The following CLIP1 variants were observed in gnomAD, a reference collection of about 807,000 sequenced individuals.
The protein encoded by CLIP1 is CAP-Gly domain containing linker protein 1.
Under a neutral mutation model 161.6 loss-of-function variants are expected in CLIP1, and 66 were observed. The ratio of observed to expected loss-of-function variants is 0.41; its 90% CI spans 0.33 to 0.50. The LOEUF (loss-of-function observed/expected upper bound fraction) is 0.50, where lower values mean the gene tolerates loss of function less well. Among genes scored for constraint, CLIP1 ranks in the 20% least tolerant of loss-of-function variants. The pLI is 0.27. For synonymous variants in CLIP1, 598 were observed against 626.2 expected, an observed-to-expected ratio of 0.96 and a Z score of 0.67; for missense variants, 1,376 against 1,702.0, an observed-to-expected ratio of 0.81 and a Z score of 3.37.
rs758597643 is a variant in CLIP1, at chr12:122,341,284, T to C, written c.1920A>G (p.Glu640=). ...GCCCTTTGCTGAAAGATACCTTCAG[T>C]TCTTCCATCGCCTGCTGGTGGGATG... The part of the protein sequence containing the change: ...AIASHQQAME[E]LKVSFSKGLG... Residue 640 remains glutamate, a synonymous_variant, in exon 11 of 26, where the codon GAA becomes GAG. Transcript: ENST00000620786. The C allele has an allele frequency of 8.7e-6, 14 of 1,614,070 alleles. No individual in the cohort carries two copies. The highest frequency in any genetic ancestry group is 8.5e-6 in the Non-Finnish European group (10 of 1,179,930).
At chr12:122,359,944 G>A (rs978054718) in intron 5 of CLIP1, among the ~76,000 whole-genome samples, 4 of 152,180 alleles carry the variant, frequency 2.6e-5, no homozygotes, top group Admixed American at 6.5e-5. Flanking sequence ...ATAAACTTAT[G>A]GGCAGGGCTT....
intron 7 of CLIP1, among the ~76,000 whole-genome samples, chr12:122,353,564 T>C (rs150269275): frequency 0.022 from 3,354 of 152,246 alleles, 121 homozygotes; most frequent in African/African-American, 0.077. Flanking sequence ...CAGTGAGCCA[T>C]GATCACACCA....
chr12:122,280,876 G>A (rs979641097), intron 21 of CLIP1: 9 of 152,246 alleles, frequency 5.9e-5, no homozygotes, highest in African/African-American at 2.2e-4. Flanking sequence ...CCAGTGAGTG[G>A]TCATAACCTT....
intron 8 of CLIP1, among the ~76,000 whole-genome samples, chr12:122,352,346 C>T (rs1953080756): frequency 6.6e-6 from 1 of 152,060 alleles, no homozygotes; most frequent in African/African-American, 2.4e-5. Flanking sequence ...CGTGAACCAC[C>T]GCACCCGGCC....
chr12:122,318,261 G>A (rs554054421), intron 18 of CLIP1, among the ~76,000 whole-genome samples: 7 of 152,176 alleles, frequency 4.6e-5, no homozygotes, highest in Non-Finnish European at 7.3e-5. Context: ...TGGGCTGGGC[G>A]TGGTGGCTCA....
chr12:122,409,215 A>C (rs1004613748), intron 1 of CLIP1, among the ~76,000 whole-genome samples: 27 of 150,400 alleles, frequency 1.8e-4, no homozygotes, highest in Non-Finnish European at 3.1e-4. Context: ...AACCACTGCC[A>C]CCCAGGTTCA....
At chr12:122,276,620 G>A in intron 24 of CLIP1, 2 of 446,070 alleles carry the variant, frequency 4.5e-6, no homozygotes, top group South Asian at 2.6e-5. Flanking sequence ...GGAGGTGTCT[G>A]GCAACTAACA....
chr12:122,368,034 A>G (rs1480779490), intron 3 of CLIP1, among the ~76,000 whole-genome samples: 1 of 152,172 alleles, frequency 6.6e-6, no homozygotes, highest in Non-Finnish European at 1.5e-5. Context: ...AACAAGCCCA[A>G]TTCGTTCTCT....
At chr12:122,335,980 G>T (rs1452902188) in intron 12 of CLIP1, among the ~76,000 whole-genome samples, 1 of 152,090 alleles carries the variant, frequency 6.6e-6, no homozygotes, top group African/African-American at 2.4e-5. Context: ...GCATGTGGGT[G>T]GGTACCACTG....
At chr12:122,296,561 T>G (rs1272295329) in intron 20 of CLIP1, among the ~76,000 whole-genome samples, 1 of 152,192 alleles carries the variant, frequency 6.6e-6, no homozygotes, top group Non-Finnish European at 1.5e-5. Flanking sequence ...TACACATATT[T>G]GTATTGTTTC....
intron 3 of CLIP1, chr12:122,365,703 C>T (rs1954118179): frequency 4.6e-6 from 3 of 655,130 alleles, no homozygotes; most frequent in Non-Finnish European, 5.3e-6. Flanking sequence ...GAAAGAACTG[C>T]TCCTGCTTCA....
In CLIP1 at chr12:122,361,165, G is replaced by A; in HGVS notation, c.799C>T (p.Pro267Ser). The A allele has an allele frequency of 6.2e-7, 1 of 1,613,354 alleles. No homozygotes were observed. The highest frequency in any genetic ancestry group is 2.2e-5 in the East Asian group (1 of 44,862). The change falls in exon 5 of 26, where the codon CCC (proline) becomes TCC (serine). Residue 267 changes from proline to serine, a missense_variant. Pro to Ser is a moderately conservative substitution (Grantham distance 74). Coordinates refer to ENST00000620786, the MANE Select transcript of CLIP1 (RefSeq NM_001247997.2). ...ACAGGAGCGAACAAGCCATATTTGG[G>A]TTGACACTGAAAATACCTTTAGAGA... ...VAGTRYFQCQ[P>S]KYGLFAPVHK...
At position 122,341,186 on chromosome 12, in the gene CLIP1, T is replaced by C; in HGVS notation, c.2018A>G (p.Glu673Gly). 6.2e-7 allele frequency: 1 copy of C among 1,614,200 alleles called. No individual in the cohort carries two copies. The highest frequency in any genetic ancestry group is 8.5e-7 in the Non-Finnish European group (1 of 1,180,032). ...IEKMRLDYQH[E>G]IENLQNQQDS... ...TTGTTGATTCTGCAAATTTTCTATT[T>C]CGTGTTGGTAATCTAGTCTCATTTT... Residue 673 changes from glutamate (E) to glycine (G), a missense_variant, in exon 11 of 26, where the codon GAA becomes GGA. Transcript: ENST00000620786.
Position 122,361,083 on chromosome 12 carries a change from T to C in CLIP1, c.881A>G (p.Asn294Ser), listed in dbSNP as rs372226494. 3.3e-5 allele frequency: 53 copies of C among 1,614,158 alleles called. No homozygotes were observed. The highest frequency in any genetic ancestry group is 1.9e-4 in the African/African-American group (14 of 74,954). Residue 294 changes from asparagine (N) to serine (S), a missense_variant, in exon 5 of 26, where the codon AAC becomes AGC. This residue lies in a region of CLIP1 where 211 missense variants were observed against 295.1 expected (regional missense o/e 0.72). Transcript: ENST00000620786. ...PSTTPAKAKANAVRRVMATTS... is the reference protein window; with the variant it reads ...PSTTPAKAKASAVRRVMATTS... ...GGTCGCCATCACTCGCCTCACTGCGTTGGCCTTGGCTTTGGCTGGTGTAGT... is the reference window on the plus strand; with the variant it reads ...GGTCGCCATCACTCGCCTCACTGCGCTGGCCTTGGCTTTGGCTGGTGTAGT...
At chr12:122,398,454 C>T (rs917440077) in intron 1 of CLIP1, among the ~76,000 whole-genome samples, 4 of 150,576 alleles carry the variant, frequency 2.7e-5, no homozygotes, top group South Asian at 4.2e-4. Flanking sequence ...ATTTTAAGGA[C>T]GAGCCTCTAA....
intron 10 of CLIP1, among the ~76,000 whole-genome samples, chr12:122,347,052 G>A (rs1952785258): frequency 6.6e-6 from 1 of 152,182 alleles, no homozygotes; most frequent in Non-Finnish European, 1.5e-5. Flanking sequence ...GACTGCTTGT[G>A]GCCAACTGGA....
At chr12:122,316,277 T>C (rs1246155054) in intron 19 of CLIP1, among the ~76,000 whole-genome samples, 2 of 151,788 alleles carry the variant, frequency 1.3e-5, no homozygotes, top group African/African-American at 4.8e-5. Flanking sequence ...GTGGCACGAT[T>C]ATGGCTCACT....
chr12:122,279,185 A>T lies in CLIP1; in HGVS notation c.3648-40T>A, dbSNP rs367900505. Reference sequence around the variant, plus strand: ...AGTTAAAAGTTCCACAAATCAACCGAAAGACTGGTCAGTGTACAACTGTTC... The same window carrying T: ...AGTTAAAAGTTCCACAAATCAACCGTAAGACTGGTCAGTGTACAACTGTTC... On this transcript the variant is annotated intron_variant, in intron 21 of 25. Transcript: ENST00000620786. The surrounding 1 kb of genome is among the most constrained non-coding windows in gnomAD (Gnocchi z 4.5). The T allele has an allele frequency of 1.9e-5, 26 of 1,350,796 alleles. No individual in the cohort carries two copies. In the Middle Eastern group the frequency reaches 5.5e-4, roughly 29 times the overall value. 83.7% of individuals were successfully genotyped at this position (1,350,796 alleles called of 1,614,324 possible).
At position 122,299,365 on chromosome 12, in the gene CLIP1, C is replaced by G. The variant is rs149835878; in HGVS notation, c.3594+10397G>C. 5.8e-3 allele frequency among the ~76,000 whole-genome samples: 877 copies of G among 151,900 alleles called. 11 individuals carry two copies. Among genetic ancestry groups the G allele is most frequent in the African/African-American group, 0.02 (832 of 41,370 alleles). Reference sequence around the variant, plus strand: ...TCTCAAACAAGAAACTTAAAAGATACGAAAGAGAATATACAGGCTGTAAAA... The same window carrying G: ...TCTCAAACAAGAAACTTAAAAGATAGGAAAGAGAATATACAGGCTGTAAAA... On this transcript the variant is annotated intron_variant, in intron 20 of 25. Coordinates refer to ENST00000620786, the MANE Select transcript of CLIP1 (RefSeq NM_001247997.2).
Sources: allele counts gnomAD v4.1 joint callset (sites outside exome capture counted in the v4.1 genomes callset), GRCh38; gene constraint gnomAD v4.1.1; regional missense constraint gnomAD v4.1.1; non-coding constraint Gnocchi (gnomAD v3.1); transcripts MANE v1.5; gene names NCBI Gene and HGNC (gene_info 2026-07-23, HGNC 2026-07-21).